Variants in MET observed in about 807,000 individuals in gnomAD.
MET encodes the protein hepatocyte growth factor receptor.
Under a neutral mutation model 133.1 loss-of-function variants are expected in MET, and 48 were observed. The observed-to-expected ratio is 0.36, with a 90% CI of 0.29 to 0.46. The LOEUF (loss-of-function observed/expected upper bound fraction) is 0.46, where lower values mean the gene tolerates loss of function less well. Ranked by LOEUF, MET falls within the 20% of genes least tolerant of loss-of-function variation. The pLI is 1.00. For missense variants in MET, 1,442 were observed against 1,695.9 expected, an observed-to-expected ratio of 0.85 and a Z score of 2.63; for synonymous variants, 628 against 616.5, an observed-to-expected ratio of 1.02 and a Z score of -0.28.
At chr7:116,720,126 G>C (rs1173464083) in intron 2 of MET, among the ~76,000 whole-genome samples, 1 of 152,138 alleles carries the variant, frequency 6.6e-6, no homozygotes. Flanking sequence ...CCATGAGCAT[G>C]TTCTTCCATT....
intron 19 of MET, among the ~76,000 whole-genome samples, chr7:116,794,355 T>A (rs558318982): frequency 1.3e-5 from 2 of 152,332 alleles, no homozygotes; most frequent in South Asian, 4.1e-4. Flanking sequence ...TTGTTAAGAT[T>A]TTCAGACTTT....
chr7:116,673,535 G>A (rs1470531889), intron 1 of MET, among the ~76,000 whole-genome samples: 1 of 152,216 alleles, frequency 6.6e-6, no homozygotes, highest in African/African-American at 2.4e-5. Context: ...TGAATTTTAA[G>A]AAGACTGTTC....
chr7:116,766,155 G>T (rs1265596965), intron 11 of MET, among the ~76,000 whole-genome samples: 3 of 152,110 alleles, frequency 2.0e-5, no homozygotes, highest in Admixed American at 2.0e-4. Flanking sequence ...TCTTATTTCT[G>T]ACTTTTTATG....
intron 13 of MET, 80 bp downstream of exon 13, chr7:116,771,734 G>A (rs2116994205): frequency 6.2e-7 from 1 of 1,607,920 alleles, no homozygotes; most frequent in South Asian, 1.1e-5. Context: ...GTCGATTCTT[G>A]TGTGCTGTCT....
intron 2 of MET, among the ~76,000 whole-genome samples, chr7:116,721,338 T>G (rs901556439): frequency 6.6e-6 from 1 of 152,204 alleles, no homozygotes; most frequent in Non-Finnish European, 1.5e-5. Context: ...TGATATCCCC[T>G]TTATCATTTT....
chr7:116,763,450 T>C lies in MET; in HGVS notation c.2583+182T>C, dbSNP rs1408336470. The C allele has an allele frequency of 4.8e-6, 3 of 626,968 alleles. No individual in the cohort carries two copies. The East Asian group carries it at 8.5e-5, about 18-fold the overall frequency. 38.8% of individuals were successfully genotyped at this position (626,968 alleles called of 1,614,324 possible). A position where few individuals can be genotyped will look rare whatever the true frequency, so the allele number is the denominator to read the frequency against. ...AAGATAAGAATAACCGTGGACTGCA[T>C]TTTAATGAAGCATTAAAAAACCCTT... On this transcript the variant is annotated intron_variant, in intron 11 of 20. Coordinates refer to ENST00000397752, the MANE Select transcript of MET (RefSeq NM_000245.4).
At chr7:116,785,471 G>A (rs1180950151) in intron 19 of MET, among the ~76,000 whole-genome samples, 1 of 152,158 alleles carries the variant, frequency 6.6e-6, no homozygotes, top group Non-Finnish European at 1.5e-5. Flanking sequence ...CTTTCACCAA[G>A]GGGAGAGGTG....
rs200865810 is a variant in MET, at chr7:116,795,666, C to T, written c.3810C>T (p.Gly1270=). 547 of 1,613,876 alleles carry T rather than the reference C, an allele frequency of 3.4e-4. No individual in the cohort carries two copies. Among genetic ancestry groups the T allele is most frequent in the Admixed American group, 1.4e-3 (83 of 60,016 alleles). The change falls in exon 20 of 21, where the codon GGC becomes GGT. Residue 1270 remains glycine (G), a synonymous_variant. Transcript: ENST00000397752. ...FTTKSDVWSF[G]VLLWELMTRG... ...TCTTGTTTTACTAGTGGTCCTTTGG[C>T]GTGCTCCTCTGGGAGCTGATGACAA...
chr7:116,720,697 G>A (rs1278607916), intron 2 of MET, among the ~76,000 whole-genome samples: 3 of 140,026 alleles, frequency 2.1e-5, no homozygotes, highest in East Asian at 2.0e-4. Context: ...TAACATGAAG[G>A]GTTGTTGAAT....
chr7:116,724,667 C>A (rs1018142861), intron 2 of MET: 4 of 471,926 alleles, frequency 8.5e-6, no homozygotes, highest in African/African-American at 2.0e-5. Flanking sequence ...GTTTTTTTTA[C>A]TCCTTGGAAT....
At chr7:116,765,529 T>C (rs568481618) in intron 11 of MET, among the ~76,000 whole-genome samples, 7 of 152,168 alleles carry the variant, frequency 4.6e-5, no homozygotes, top group African/African-American at 1.7e-4. Context: ...GAGCCAGGTT[T>C]GGATGAGGGA....
At chr7:116,779,540 C>T (rs1345247311) in intron 17 of MET, among the ~76,000 whole-genome samples, 1 of 152,178 alleles carries the variant, frequency 6.6e-6, no homozygotes, top group African/African-American at 2.4e-5. Context: ...ACCCTCATGG[C>T]TTCAGACTCC....
At chr7:116,778,638 A>C in intron 16 of MET, 138 bp from the exon 17 acceptor site, 1 of 928,712 alleles carries the variant, frequency 1.1e-6, no homozygotes, top group Non-Finnish European at 1.7e-6. Flanking sequence ...TGATGTAAAA[A>C]GAACACTCTG....
intron 5 of MET, among the ~76,000 whole-genome samples, 157 bp from the exon 6 acceptor site, chr7:116,755,198 C>CTT (rs1794131517): frequency 6.6e-6 from 1 of 152,142 alleles, no homozygotes; most frequent in African/African-American, 2.4e-5. Flanking sequence ...ATTTGTGACC[C>CTT]TTTTCCCTTT....
chr7:116,794,423 G>C (rs1795609487), intron 19 of MET, among the ~76,000 whole-genome samples: 2 of 152,208 alleles, frequency 1.3e-5, no homozygotes, highest in Admixed American at 6.5e-5. Flanking sequence ...CTCCCTCCTG[G>C]CAAGGGGTTT....
chr7:116,679,627 T>G (rs1046792710), intron 1 of MET, among the ~76,000 whole-genome samples: 1 of 152,164 alleles, frequency 6.6e-6, no homozygotes, highest in Non-Finnish European at 1.5e-5. Context: ...TTAGAAAACG[T>G]AATGCTATAA....
At chr7:116,790,173 C>T (rs1329454199) in intron 19 of MET, among the ~76,000 whole-genome samples, 1 of 152,120 alleles carries the variant, frequency 6.6e-6, no homozygotes, top group Non-Finnish European at 1.5e-5. Flanking sequence ...TTTAAATACA[C>T]AGTACAGTAT....
At chr7:116,709,238 C>T (rs1003483466) in intron 2 of MET, among the ~76,000 whole-genome samples, 14 of 152,190 alleles carry the variant, frequency 9.2e-5, no homozygotes, top group Admixed American at 8.5e-4. Flanking sequence ...TTCATCTATA[C>T]ATATTTAATC....
intron 2 of MET, among the ~76,000 whole-genome samples, chr7:116,729,752 C>T (rs1792926122): frequency 2.0e-5 from 3 of 152,162 alleles, no homozygotes; most frequent in Admixed American, 1.3e-4. Flanking sequence ...CCAAATACTC[C>T]CATTTGTCCC....
Sources: allele counts gnomAD v4.1 joint callset (sites outside exome capture counted in the v4.1 genomes callset), GRCh38; gene constraint gnomAD v4.1.1; transcripts MANE v1.5; gene names NCBI Gene and HGNC (gene_info 2026-07-23, HGNC 2026-07-21).